AHDC1: variants seen among roughly 807,000 people sequenced by gnomAD.
AHDC1 encodes AT-hook DNA binding motif containing 1.
In AHDC1, 7 loss-of-function variants were observed where a neutral mutation model predicts 87.9. That is an observed-to-expected ratio of 0.08 (90% CI 0.05 to 0.15). The LOEUF is 0.15. Ranked by LOEUF, AHDC1 falls within the 10% of genes least tolerant of loss-of-function variation. The probability of loss-of-function intolerance (pLI) is 1.00; values close to 1 mark genes in which losing one functional copy is unlikely to be tolerated. For synonymous variants in AHDC1, 1,051 were observed against 1,006.8 expected, an observed-to-expected ratio of 1.04 and a Z score of -0.83; for missense variants, 1,841 against 2,253.2, an observed-to-expected ratio of 0.82 and a Z score of 3.70.
intron 3 of AHDC1, among the ~76,000 whole-genome samples, chr1:27,589,110 G>A (rs2089150725): frequency 6.6e-6 from 1 of 151,970 alleles, no homozygotes; most frequent in African/African-American, 2.4e-5. Flanking sequence ...AGAGGTGGGG[G>A]CTGGCCCTGG....
At chr1:27,573,231 T>C (rs2088599944) in intron 3 of AHDC1, among the ~76,000 whole-genome samples, 1 of 152,188 alleles carries the variant, frequency 6.6e-6, no homozygotes. Context: ...GCTTGGAGCC[T>C]GTCAGAGCTA....
In AHDC1 at chr1:27,548,757, G is replaced by A; in HGVS notation, c.3359C>T (p.Ala1120Val). ...FRQGYGGLDW[A>V]SEAFSQLYNP... ...GTAGAGCTGACTAAAGGCCTCTGAG[G>A]CCCAGTCCAGGCCTCCATAGCCCTG... The change falls in exon 8 of 9, where the codon GCC becomes GTC. Residue 1120 changes from alanine (A) to valine (V), a missense_variant. By Grantham distance (64) the Ala-to-Val change is moderately conservative. This residue lies in a region of AHDC1 where 378 missense variants were observed against 399.0 expected (regional missense o/e 0.95). Transcript: ENST00000673934. The A allele has an allele frequency of 6.2e-7, 1 of 1,613,220 alleles. No individual in the cohort carries two copies. Among genetic ancestry groups the A allele is most frequent in the Non-Finnish European group, 8.5e-7 (1 of 1,180,040 alleles).
At position 27,549,371 on chromosome 1, in the gene AHDC1, C is replaced by T. The variant is rs138452825; in HGVS notation, c.2745G>A (p.Leu915=). The stretch of plus-strand genomic sequence containing the variant: ...CTGGTGGGAAGGTCTGGCGCGCGGA[C>T]AGGACAGGCTGAAAGGAGGGGTCCG... The part of the protein sequence containing the change: ...AGADPSFQPV[L]SARQTFPPGR... Residue 915 remains leucine (L), a synonymous_variant, in exon 8 of 9, where the codon CTG becomes CTA. Coordinates refer to ENST00000673934, the MANE Select transcript of AHDC1 (RefSeq NM_001371928.1). 1.5e-3 allele frequency: 2,493 copies of T among 1,613,074 alleles called. 2 individuals are homozygous for T. Among genetic ancestry groups the T allele is most frequent in the Middle Eastern group, 5.6e-3 (34 of 6,060 alleles).
intron 5 of AHDC1, among the ~76,000 whole-genome samples, chr1:27,556,000 C>T (rs1326178845): frequency 6.6e-6 from 1 of 152,218 alleles, no homozygotes; most frequent in Non-Finnish European, 1.5e-5. Flanking sequence ...AAGGGTACCA[C>T]CTAGCCCTGG....
rs991206260 is a variant in AHDC1, at chr1:27,561,913, C to G, written c.-628-3030G>C. The stretch of plus-strand genomic sequence containing the variant: ...AGATGGAGAGGAAGGTAGAGAGAGG[C>G]GGGTGAGACCTTGTCAGAGGCTGAG... On this transcript the variant is annotated intron_variant, in intron 3 of 8. Transcript: ENST00000673934. This position sits in a 1 kb window ranked among gnomAD's most constrained non-coding sequence, Gnocchi z 4.2. 6.6e-6 allele frequency among the ~76,000 whole-genome samples: 1 copy of G among 151,722 alleles called. No homozygotes were observed. The highest frequency in any genetic ancestry group is 1.5e-5 in the Non-Finnish European group (1 of 67,954).
intron 8 of AHDC1, among the ~76,000 whole-genome samples, chr1:27,536,635 A>G (rs1313052526): frequency 1.3e-5 from 2 of 152,120 alleles, no homozygotes; most frequent in African/African-American, 4.8e-5. Flanking sequence ...TGCTTGAGCC[A>G]GAGCGCTGGG....
intron 3 of AHDC1, among the ~76,000 whole-genome samples, chr1:27,594,430 C>G (rs1318144201): frequency 2.6e-5 from 4 of 152,340 alleles, no homozygotes; most frequent in East Asian, 3.9e-4. Context: ...AGAGCCAGGG[C>G]AGGGCTGGGT....
chr1:27,584,331 C>T (rs551849355), intron 3 of AHDC1, among the ~76,000 whole-genome samples: 1 of 152,278 alleles, frequency 6.6e-6, no homozygotes, highest in South Asian at 2.1e-4. Flanking sequence ...CTCACTGAGC[C>T]CCTGCTCCAA....
At chr1:27,564,455 A>C (rs1225911535) in intron 3 of AHDC1, among the ~76,000 whole-genome samples, 2 of 152,248 alleles carry the variant, frequency 1.3e-5, no homozygotes, top group African/African-American at 4.8e-5. Context: ...AAGGGACAAG[A>C]GTGCCAGCCT....
chr1:27,592,993 C>A (rs1306750050), intron 3 of AHDC1, among the ~76,000 whole-genome samples: 1 of 152,122 alleles, frequency 6.6e-6, no homozygotes, highest in African/African-American at 2.4e-5. Flanking sequence ...CTGGGTGACC[C>A]AAGGTGACCA....
chr1:27,541,128 A>C (rs139861087), intron 8 of AHDC1, among the ~76,000 whole-genome samples: 1 of 151,958 alleles, frequency 6.6e-6, no homozygotes, highest in East Asian at 1.9e-4. Flanking sequence ...TGGGGCCAGA[A>C]ACCCAGGTGG....
At position 27,597,509 on chromosome 1, in the gene AHDC1, C is replaced by T. The variant is rs1470171543; in HGVS notation, c.-629+5888G>A. 3.9e-5 allele frequency among the ~76,000 whole-genome samples: 6 copies of T among 152,220 alleles called. No homozygotes were observed. The East Asian group carries it at 1.2e-3, about 29-fold the overall frequency. The stretch of plus-strand genomic sequence containing the variant: ...AGACAAGAGAGGTGCACATGTGCAT[C>T]TGGTGCAGGGGTCAGGGCTGCAGGC... On this transcript the variant is annotated intron_variant, in intron 3 of 8. Coordinates refer to ENST00000673934, the MANE Select transcript of AHDC1 (RefSeq NM_001371928.1).
At chr1:27,600,096 C>T (rs2089489012) in intron 3 of AHDC1, among the ~76,000 whole-genome samples, 2 of 152,064 alleles carry the variant, frequency 1.3e-5, no homozygotes, top group South Asian at 4.2e-4. Context: ...ATTTTCTTGC[C>T]TGTTTTCTCT....
At chr1:27,572,130 G>A (rs936744490) in intron 3 of AHDC1, among the ~76,000 whole-genome samples, 4 of 152,080 alleles carry the variant, frequency 2.6e-5, no homozygotes, top group African/African-American at 9.7e-5. Context: ...CATTTTGGGG[G>A]GTGGTCCAGA....
chr1:27,571,668 C>T (rs1342865458), intron 3 of AHDC1, among the ~76,000 whole-genome samples: 4 of 152,104 alleles, frequency 2.6e-5, no homozygotes, highest in Non-Finnish European at 5.9e-5. Context: ...CCGGGAACAG[C>T]AGCTCCTCCT....
chr1:27,577,381 G>C (rs2088785891), intron 3 of AHDC1, among the ~76,000 whole-genome samples: 1 of 152,166 alleles, frequency 6.6e-6, no homozygotes, highest in Admixed American at 6.5e-5. Context: ...TCTAGAAATG[G>C]GCACCAAGCT....
At chr1:27,579,298 C>G (rs1272275527) in intron 3 of AHDC1, among the ~76,000 whole-genome samples, 1 of 152,156 alleles carries the variant, frequency 6.6e-6, no homozygotes, top group East Asian at 1.9e-4. Flanking sequence ...GCTTTGCCTT[C>G]TCTGGATCCG....
Position 27,547,398 on chromosome 1 carries a change from G to A in AHDC1, c.4718C>T (p.Ala1573Val), listed in dbSNP as rs371087154. Residue 1573 changes from alanine to valine, a missense_variant, in exon 8 of 9, where the codon GCG (alanine) becomes GTG (valine). Ala to Val is a moderately conservative substitution (Grantham distance 64, BLOSUM62 0). Coordinates refer to ENST00000673934, the MANE Select transcript of AHDC1 (RefSeq NM_001371928.1). The surrounding 1 kb of genome is among the most constrained non-coding windows in gnomAD (Gnocchi z 4.9). The stretch of plus-strand genomic sequence containing the variant: ...GGGGCCCCCACCCAGGCCAGGATGC[G>A]CCTGGGGCATAAAGCCTGGGTACCT... ...AYRYPGFMPQ[A>V]HPGLGGGPKS... The A allele has an allele frequency of 4.4e-5, 69 of 1,568,938 alleles. No individual in the cohort carries two copies. The highest frequency in any genetic ancestry group is 1.1e-4 in the South Asian group (9 of 85,424).
intron 8 of AHDC1, among the ~76,000 whole-genome samples, chr1:27,543,979 A>G (rs2019052569): frequency 6.6e-6 from 1 of 152,020 alleles, no homozygotes; most frequent in Non-Finnish European, 1.5e-5. Context: ...GGATTGTCCA[A>G]TCCAACCTAT....
Sources: gnomAD v4.1 joint callset for allele counts (sites outside exome capture counted in the v4.1 genomes callset) on GRCh38, gnomAD v4.1.1 for gene constraint, gnomAD v4.1.1 regional missense constraint, Gnocchi (gnomAD v3.1) non-coding constraint, MANE v1.5 for transcripts, NCBI Gene and HGNC (gene_info 2026-07-23, HGNC 2026-07-21) for gene names.